ZNF479: variants seen among roughly 807,000 people sequenced by gnomAD.
ZNF479 encodes the protein zinc finger protein 479.
A neutral mutation model predicts 14.7 loss-of-function variants in ZNF479; 15 were observed. The ratio of observed to expected loss-of-function variants is 1.02; its 90% confidence interval spans 0.68 to 1.57. ZNF479 has a LOEUF of 1.57. Ranked by LOEUF, ZNF479 falls within the 40% of genes most tolerant of loss-of-function variation. ZNF479 has a pLI of 0.00. For synonymous variants in ZNF479, 145 were observed against 211.5 expected (o/e 0.69, Z 2.73); for missense variants, 506 against 615.1 (o/e 0.82, Z 1.88).
At chr7:57,131,878 G>A (rs1466852093) in intron 1 of ZNF479, among the ~76,000 whole-genome samples, 2 of 152,086 alleles carry the variant, frequency 1.3e-5, no homozygotes, top group Non-Finnish European at 2.9e-5. Flanking sequence ...TTTTTACAGT[G>A]ACTCCCATAC....
intron 3 of ZNF479, among the ~76,000 whole-genome samples, chr7:57,125,647 C>A (rs1786128603): frequency 7.0e-6 from 1 of 143,690 alleles, no homozygotes; most frequent in Non-Finnish European, 1.5e-5. Context: ...TATTCTCACA[C>A]ATTTTAGACA....
chr7:57,123,974 G>C (rs1003783643), intron 3 of ZNF479, among the ~76,000 whole-genome samples: 1 of 151,458 alleles, frequency 6.6e-6, no homozygotes, highest in Non-Finnish European at 1.5e-5. Context: ...TCTTGCACAG[G>C]GTCAAATAAT....
chr7:57,126,351 T>C (rs1465947627), intron 2 of ZNF479, among the ~76,000 whole-genome samples: 1 of 150,890 alleles, frequency 6.6e-6, no homozygotes, highest in East Asian at 1.9e-4. Flanking sequence ...CAACGATCTT[T>C]TATGCCATGG....
At chr7:57,134,964 G>A (rs939684986), upstream of ZNF479, among the ~76,000 whole-genome samples, 2 of 151,478 alleles carry the variant, frequency 1.3e-5, no homozygotes, top group Non-Finnish European at 2.9e-5. Context: ...CATAAGCCAG[G>A]GTTATAGGCA....
chr7:57,123,523 A>T (rs923892325), intron 3 of ZNF479, among the ~76,000 whole-genome samples: 2 of 152,230 alleles, frequency 1.3e-5, no homozygotes, highest in African/African-American at 2.4e-5. Flanking sequence ...CTGTTAGAAC[A>T]CATAAGTCTT....
chr7:57,121,807 A>C (rs1785966396), intron 3 of ZNF479, among the ~76,000 whole-genome samples: 1 of 152,136 alleles, frequency 6.6e-6, no homozygotes, highest in Non-Finnish European at 1.5e-5. Flanking sequence ...ACATGGTCCA[A>C]TCAAAAAAAT....
intron 3 of ZNF479, among the ~76,000 whole-genome samples, chr7:57,122,874 G>C (rs777460512): frequency 6.6e-6 from 1 of 151,668 alleles, no homozygotes; most frequent in Non-Finnish European, 1.5e-5. Flanking sequence ...TAACATCAGG[G>C]CTTCAAAACA....
upstream of ZNF479, among the ~76,000 whole-genome samples, chr7:57,135,410 T>C (rs183390768): frequency 6.6e-5 from 10 of 152,192 alleles, no homozygotes; most frequent in East Asian, 3.9e-4. Context: ...TGTTTGTTTG[T>C]TTGTTTTTTT....
At chr7:57,137,319 AT>A (rs1178358965), upstream of ZNF479, among the ~76,000 whole-genome samples, 9 of 151,974 alleles carry the variant, frequency 5.9e-5, no homozygotes, top group African/African-American at 1.9e-4. Flanking sequence ...TATTTTTTGT[AT>A]TTTTACTAAA....
chr7:57,119,660 G>A lies in ZNF479; in HGVS notation c.*180C>T. ...TAGGTTTATTAAGGTTTGAGGGTTG[G>A]TTAAAGGCTTTGTTACATTTTTTTA... On this transcript the variant is annotated 3_prime_UTR_variant, in exon 4 of 4. Transcript: ENST00000319636. 1.5e-6 allele frequency: 1 copy of A among 656,376 alleles called. No homozygotes were observed. Among genetic ancestry groups the A allele is most frequent in the Non-Finnish European group, 2.6e-6 (1 of 381,384 alleles). 40.7% of individuals were successfully genotyped at this position (656,376 alleles called of 1,614,324 possible). A position where few individuals can be genotyped will look rare whatever the true frequency, so the allele number is the denominator to read the frequency against.
At chr7:57,130,771 G>C (rs762047649) in intron 1 of ZNF479, among the ~76,000 whole-genome samples, 1 of 152,146 alleles carries the variant, frequency 6.6e-6, no homozygotes, top group Admixed American at 6.5e-5. Context: ...CCCAGTGAAT[G>C]TAAGTTTTTC....
chr7:57,121,080 G>T lies in ZNF479; in HGVS notation c.335C>A (p.Pro112Gln). The change falls in exon 4 of 4, where the codon CCA (proline) becomes CAA (glutamine). Residue 112 changes from proline to glutamine, a missense_variant. Transcript: ENST00000319636. ...GIKDSLQKVIPRTYGKCGHEK... is the reference protein window; with the variant it reads ...GIKDSLQKVIQRTYGKCGHEK... ...ATGTCCACATTTTCCATATGTTCTTGGTATTACTTTTTGGAGTGAATCTTT... is the reference window on the plus strand; with the variant it reads ...ATGTCCACATTTTCCATATGTTCTTTGTATTACTTTTTGGAGTGAATCTTT... 6.2e-7 allele frequency: 1 copy of T among 1,613,640 alleles called. No homozygotes were observed. The highest frequency in any genetic ancestry group is 1.3e-5 in the African/African-American group (1 of 74,900).
At chr7:57,124,378 C>T (rs1255783770) in intron 3 of ZNF479, among the ~76,000 whole-genome samples, 2 of 152,170 alleles carry the variant, frequency 1.3e-5, no homozygotes, top group Admixed American at 6.5e-5. Context: ...AAAATATAAT[C>T]CCTTCAACAG....
rs746915175 is a variant in ZNF479, at chr7:57,126,596, G to C, written c.162C>G (p.Ser54=). The change falls in exon 2 of 4, where the codon TCC becomes TCG. Residue 54 remains serine, a synonymous_variant. Coordinates refer to ENST00000319636, the MANE Select transcript of ZNF479 (RefSeq NM_001370129.2). ...VMLENYRNLV[S]LGIAVSKPDL... Reference sequence around the variant, plus strand: ...ATGTACTGAAGTTATCCTCACCCAGGGAGACCAGGTTTCTGTAGTTCTCTA... The same window carrying C: ...ATGTACTGAAGTTATCCTCACCCAGCGAGACCAGGTTTCTGTAGTTCTCTA... 3.1e-6 allele frequency: 5 copies of C among 1,613,054 alleles called. No individual in the cohort carries two copies. The highest frequency in any genetic ancestry group is 4.2e-6 in the Non-Finnish European group (5 of 1,179,744).
At chr7:57,136,435 C>A (rs1440357332), upstream of ZNF479, among the ~76,000 whole-genome samples, 1 of 151,908 alleles carries the variant, frequency 6.6e-6, no homozygotes, top group Admixed American at 6.6e-5. Flanking sequence ...AAACAAACAA[C>A]AACAACAGCA....
At chr7:57,130,271 G>A (rs1427990710) in intron 1 of ZNF479, among the ~76,000 whole-genome samples, 2 of 152,176 alleles carry the variant, frequency 1.3e-5, no homozygotes, top group East Asian at 3.9e-4. Flanking sequence ...TCAGGGGTTT[G>A]AGACCAGCCT....
rs1456922643 is a variant in ZNF479, at chr7:57,118,444, T to C, written c.*1396A>G. 6.6e-6 allele frequency among the ~76,000 whole-genome samples: 1 copy of C among 152,234 alleles called. No individual in the cohort carries two copies. The highest frequency in any genetic ancestry group is 1.5e-5 in the Non-Finnish European group (1 of 68,034). ...TGTAGTGTAGTGGCTCTATCTCAGC[T>C]CACTGCAACCTCTGCCTCCCCGGTT... is the stretch of plus-strand genomic sequence containing the variant. On this transcript the variant is annotated 3_prime_UTR_variant, in exon 4 of 4. Coordinates refer to ENST00000319636, the MANE Select transcript of ZNF479 (RefSeq NM_001370129.2).
In ZNF479 at chr7:57,119,778, G is replaced by A; in HGVS notation, c.*62C>T. On this transcript the variant is annotated 3_prime_UTR_variant, in exon 4 of 4. Transcript: ENST00000319636. ...CTTGGCCACATTCTCTACATTTGTA[G>A]TGTTTTTTTCCAGTGTAAATTATTT... 1 of 1,349,472 alleles carries A rather than the reference G, an allele frequency of 7.4e-7. No homozygotes were observed. The highest frequency in any genetic ancestry group is 2.5e-5 in the East Asian group (1 of 39,856). The allele number at this position is 1,349,472 out of a possible 1,614,324, so 83.6% of individuals were successfully genotyped here.
intron 1 of ZNF479, among the ~76,000 whole-genome samples, chr7:57,137,981 G>A (rs775543904): frequency 3.3e-5 from 5 of 152,160 alleles, no homozygotes; most frequent in African/African-American, 4.8e-5. Flanking sequence ...TGGTGTGACC[G>A]TCTTCTACCT....
Sources: allele counts gnomAD v4.1 joint callset (sites outside exome capture counted in the v4.1 genomes callset), GRCh38; gene constraint gnomAD v4.1.1; transcripts MANE v1.5; gene names NCBI Gene and HGNC (gene_info 2026-07-23, HGNC 2026-07-21).